The following HK2 variants were observed in gnomAD, a reference collection of about 807,000 sequenced individuals.
HK2 encodes the protein hexokinase 2, also known as hexokinase-2.
HK2 carries 42 observed loss-of-function variants against 92.9 expected under a neutral mutation model. The observed-to-expected ratio is 0.45, with a 90% CI of 0.35 to 0.58. The LOEUF is 0.58. Among genes scored for constraint, HK2 ranks in the 20% least tolerant of loss-of-function variants. The pLI is 0.00. For missense variants in HK2, 978 were observed against 1,245.1 expected, an observed-to-expected ratio of 0.79 and a Z score of 3.23; for synonymous variants, 422 against 468.0, an observed-to-expected ratio of 0.90 and a Z score of 1.27.
chr2:74,882,050 C>A, intron 11 of HK2, 70 bp from the exon 12 acceptor site: 1 of 1,493,330 alleles, frequency 6.7e-7, no homozygotes, highest in Non-Finnish European at 9.3e-7. Context: ...TGATGTTGTG[C>A]GCAGGCCCTA....
intron 1 of HK2, among the ~76,000 whole-genome samples, chr2:74,836,749 A>G (rs1342775889): frequency 6.6e-6 from 1 of 152,246 alleles, no homozygotes; most frequent in Admixed American, 6.5e-5. Flanking sequence ...CATAGAAAGC[A>G]GAGACTCAGA....
At chr2:74,854,089 C>A (rs760865802) in intron 1 of HK2, among the ~76,000 whole-genome samples, 8 of 151,824 alleles carry the variant, frequency 5.3e-5, no homozygotes, top group Non-Finnish European at 1.2e-4. Context: ...AAAATTAGGT[C>A]TATTTTTATA....
chr2:74,889,108 G>A, intron 16 of HK2, 137 bp from the exon 17 acceptor site: 1 of 736,170 alleles, frequency 1.4e-6, no homozygotes, highest in Non-Finnish European at 2.5e-6. Flanking sequence ...TTAGGAATGG[G>A]AACCACCTCG....
chr2:74,881,553 A>C (rs555423765), intron 10 of HK2, among the ~76,000 whole-genome samples, 158 bp from the exon 11 acceptor site: 1 of 152,340 alleles, frequency 6.6e-6, no homozygotes, highest in Admixed American at 6.5e-5. Context: ...AGCTTCCTTC[A>C]GGGAGCTGGA....
At chr2:74,874,801 T>C (rs981522109) in intron 7 of HK2, among the ~76,000 whole-genome samples, 8 of 152,144 alleles carry the variant, frequency 5.3e-5, no homozygotes, top group African/African-American at 1.7e-4. Flanking sequence ...GTGGCCAAGA[T>C]TGGGGTCTCT....
At chr2:74,842,807 G>T (rs1328338870) in intron 1 of HK2, among the ~76,000 whole-genome samples, 2 of 152,206 alleles carry the variant, frequency 1.3e-5, no homozygotes, top group Admixed American at 1.3e-4. Context: ...GAGGTCTCTG[G>T]GATGCCTGGG....
At chr2:74,876,244 C>A (rs991540726) in intron 7 of HK2, among the ~76,000 whole-genome samples, 2 of 152,152 alleles carry the variant, frequency 1.3e-5, no homozygotes, top group Admixed American at 6.6e-5. Flanking sequence ...GGTTTCCTCT[C>A]GGAAAGGTAA....
At chr2:74,864,092 A>C (rs966285587) in intron 2 of HK2, among the ~76,000 whole-genome samples, 11 of 152,184 alleles carry the variant, frequency 7.2e-5, no homozygotes, top group Non-Finnish European at 1.5e-4. Context: ...GCCACCCTAC[A>C]TGGCCCTGGA....
Position 74,882,102 on chromosome 2 carries a change from C to G in HK2, c.1720-18C>G. The G allele has an allele frequency of 1.2e-6, 2 of 1,613,848 alleles. No homozygotes were observed. Among genetic ancestry groups the G allele is most frequent in the Non-Finnish European group, 1.7e-6 (2 of 1,179,874 alleles). On this transcript the variant is annotated intron_variant, in intron 11 of 17. Transcript: ENST00000290573. ...CTGCCCAGGGCCCCTCCCTCAGTGT[C>G]CTAACTTCTCCCTGCAGCTCTTTGA...
intron 1 of HK2, among the ~76,000 whole-genome samples, chr2:74,845,763 G>A (rs1688420530): frequency 6.6e-6 from 1 of 152,218 alleles, no homozygotes; most frequent in Non-Finnish European, 1.5e-5. Flanking sequence ...TCGGTTCATG[G>A]GCTTTCAGAG....
intron 14 of HK2, 33 bp downstream of exon 14, chr2:74,886,426 ATGC>A: frequency 6.2e-7 from 1 of 1,613,770 alleles, no homozygotes; most frequent in South Asian, 1.1e-5. Context: ...CCACATGGGG[ATGC>A]ACAGCCTTGG....
chr2:74,835,514 A>G (rs955117001), intron 1 of HK2, among the ~76,000 whole-genome samples: 1 of 150,994 alleles, frequency 6.6e-6, no homozygotes, highest in African/African-American at 2.4e-5. Context: ...GCAGCTCCCT[A>G]TGGCTGAGCG....
rs1358088252 is a variant in HK2 at position 74,893,211 on chromosome 2, C to T, written c.*2270C>T. ...TGTAAATACAGTGGATCTCAATCTT[C>T]GGGGTGTGATGAATAGCGAATCATC... On this transcript the variant is annotated 3_prime_UTR_variant, in exon 18 of 18. Transcript: ENST00000290573. 6 of 152,044 alleles carry T rather than the reference C, an allele frequency of 3.9e-5. No homozygotes were observed. The highest frequency in any genetic ancestry group is 4.1e-4 in the South Asian group (2 of 4,820). The allele number at this position is 152,044 out of a possible 1,614,324, so 9.4% of individuals were successfully genotyped here. A position where few individuals can be genotyped will look rare whatever the true frequency, so the allele number is the denominator to read the frequency against.
chr2:74,890,674 T>G lies in HK2; in HGVS notation c.2610-123T>G, dbSNP rs28363064. The G allele has an allele frequency of 3.3e-5, 37 of 1,105,048 alleles. No homozygotes were observed. In the African/African-American group the frequency reaches 5.4e-4, roughly 16 times the overall value. 68.5% of individuals were successfully genotyped at this position (1,105,048 alleles called of 1,614,324 possible). A position where few individuals can be genotyped will look rare whatever the true frequency, so the allele number is the denominator to read the frequency against. Reference sequence around the variant, plus strand: ...GTTTAATACATTATAGCTGTCATCCTTCTCCTCTTCTTAATTATTTCTGTG... The same window carrying G: ...GTTTAATACATTATAGCTGTCATCCGTCTCCTCTTCTTAATTATTTCTGTG... On this transcript the variant is annotated intron_variant, in intron 17 of 17. Coordinates refer to ENST00000290573, the MANE Select transcript of HK2 (RefSeq NM_000189.5).
At position 74,834,634 on chromosome 2, in the gene HK2, A is replaced by C. The variant is rs773141964; in HGVS notation, c.54A>C (p.Gln18His). Reference protein sequence around the residue: ...AYFFTELNHDQVQKVDQYLYH... With the variant: ...AYFFTELNHDHVQKVDQYLYH... ...TCTTCACGGAGCTCAACCATGACCAAGTGCAGAAGGTAAGTCAGCGCGGGC... is the reference window on the plus strand; with the variant it reads ...TCTTCACGGAGCTCAACCATGACCACGTGCAGAAGGTAAGTCAGCGCGGGC... Residue 18 changes from glutamine to histidine, a missense_variant, in exon 1 of 18, where the codon CAA becomes CAC. Gln to His is a conservative substitution (Grantham distance 24). Around this residue, in one of 3 missense-constraint regions of HK2, gnomAD observed 47 missense variants for 33.1 expected, o/e 1.42. Transcript: ENST00000290573. The surrounding 1 kb of genome is among the most constrained non-coding windows in gnomAD (Gnocchi z 4.2). 3.1e-6 allele frequency: 5 copies of C among 1,613,938 alleles called. No homozygotes were observed. In the South Asian group the frequency reaches 5.5e-5, roughly 18 times the overall value.
intron 8 of HK2, among the ~76,000 whole-genome samples, chr2:74,878,413 C>G (rs890665832): frequency 2.1e-4 from 31 of 149,918 alleles, no homozygotes; most frequent in African/African-American, 7.4e-4. Flanking sequence ...CCGTGTGTCT[C>G]TGTGTGTGTG....
intron 1 of HK2, among the ~76,000 whole-genome samples, chr2:74,837,671 T>TC (rs1434321778): frequency 3.8e-5 from 5 of 132,554 alleles, no homozygotes; most frequent in African/African-American, 1.4e-4. Flanking sequence ...TTTGCCCTTG[T>TC]CTTTTTTTTT....
intron 2 of HK2, among the ~76,000 whole-genome samples, chr2:74,861,028 C>T (rs979486331): frequency 1.3e-5 from 2 of 152,196 alleles, no homozygotes; most frequent in African/African-American, 2.4e-5. Flanking sequence ...CACAACCCTG[C>T]GTGTGACTGT....
intron 2 of HK2, among the ~76,000 whole-genome samples, chr2:74,859,919 G>A (rs966400106): frequency 2.6e-5 from 4 of 152,192 alleles, no homozygotes; most frequent in African/African-American, 7.2e-5. Context: ...TGGAGTCGAT[G>A]CCCATCAATG....
Sources: allele counts gnomAD v4.1 joint callset (sites outside exome capture counted in the v4.1 genomes callset), GRCh38; gene constraint gnomAD v4.1.1; regional missense constraint gnomAD v4.1.1; non-coding constraint Gnocchi (gnomAD v3.1); transcripts MANE v1.5; gene names NCBI Gene and HGNC (gene_info 2026-07-23, HGNC 2026-07-21).